The following TBC1D14 variants were observed in gnomAD, a reference collection of about 807,000 sequenced individuals.
The protein encoded by TBC1D14 is TBC1 domain family member 14.
In TBC1D14, 26 loss-of-function variants were observed where a neutral mutation model predicts 79.0. That is an observed-to-expected ratio of 0.33 (90% CI 0.24 to 0.46). The LOEUF (loss-of-function observed/expected upper bound fraction) is 0.46, where lower values mean the gene tolerates loss of function less well. TBC1D14 is among the 20% of genes least tolerant of loss of function. The pLI is 1.00. For missense variants in TBC1D14, 769 were observed against 887.6 expected, an observed-to-expected ratio of 0.87 and a Z score of 1.70; for synonymous variants, 394 against 349.9, an observed-to-expected ratio of 1.13 and a Z score of -1.40.
At chr4:6,994,473 A>G (rs1184631047) in intron 4 of TBC1D14, among the ~76,000 whole-genome samples, 171 bp downstream of exon 4, 1 of 152,242 alleles carries the variant, frequency 6.6e-6, no homozygotes, top group Non-Finnish European at 1.5e-5. Context: ...TAAATGACCA[A>G]TTTGGAAAAC....
At chr4:6,947,699 G>C (rs1290172586) in intron 2 of TBC1D14, among the ~76,000 whole-genome samples, 9 of 151,724 alleles carry the variant, frequency 5.9e-5, no homozygotes, top group South Asian at 2.1e-4. Flanking sequence ...ATGTTAGAGA[G>C]TGGATCCCTG....
At chr4:6,921,300 G>A (rs11732256) in intron 1 of TBC1D14, among the ~76,000 whole-genome samples, 138,488 of 151,976 alleles carry the variant, frequency 0.91, 64,089 homozygotes, top group East Asian at 1. Flanking sequence ...GACCTCCTGG[G>A]CGGGCTCAAG....
chr4:7,012,676 CTG>C (rs904844061), intron 11 of TBC1D14, among the ~76,000 whole-genome samples: 10 of 152,322 alleles, frequency 6.6e-5, no homozygotes, highest in Admixed American at 3.3e-4. Context: ...ACTATAGTGA[CTG>C]TTGTATTTAA....
intron 2 of TBC1D14, among the ~76,000 whole-genome samples, chr4:6,944,964 A>G (rs10937773): frequency 0.97 from 148,181 of 152,290 alleles, 72,228 homozygotes; most frequent in Middle Eastern, 1. Flanking sequence ...GACAGGGCCT[A>G]GATCTCAGTC....
rs140085093 is a variant in TBC1D14, at chr4:6,935,939, C to T, written c.722+11828C>T. On this transcript the variant is annotated intron_variant, in intron 2 of 13. Transcript: ENST00000409757. Reference sequence around the variant, plus strand: ...GATTACAGGCATGAGCCACCGTGCCCGGCCTGAATATAGATTTTTAATTTC... The same window carrying T: ...GATTACAGGCATGAGCCACCGTGCCTGGCCTGAATATAGATTTTTAATTTC... Among the ~76,000 whole-genome samples the T allele has an allele frequency of 1.7e-3, 257 of 152,208 alleles. 1 individual carries two copies. Among genetic ancestry groups the T allele is most frequent in the African/African-American group, 5.9e-3 (245 of 41,550 alleles).
intron 3 of TBC1D14, among the ~76,000 whole-genome samples, chr4:6,992,743 T>G (rs1347811627): frequency 1.3e-5 from 2 of 152,250 alleles, no homozygotes; most frequent in East Asian, 3.8e-4. Flanking sequence ...ACTTGAAGCT[T>G]CATGAGGGCT....
intron 3 of TBC1D14, among the ~76,000 whole-genome samples, chr4:6,970,748 A>T (rs936478196): frequency 1.4e-5 from 2 of 145,588 alleles, no homozygotes; most frequent in Admixed American, 6.8e-5. Flanking sequence ...CACACTGGCC[A>T]GGAGCTTTGG....
intron 3 of TBC1D14, among the ~76,000 whole-genome samples, chr4:6,991,444 G>A (rs1718478133): frequency 6.6e-6 from 1 of 152,288 alleles, no homozygotes; most frequent in Middle Eastern, 3.4e-3. Context: ...TGGTGCACAG[G>A]GAGTGCTGGA....
At chr4:7,007,446 CG>C in intron 9 of TBC1D14, 2 of 843,054 alleles carry the variant, frequency 2.4e-6, no homozygotes, top group South Asian at 1.5e-5. Context: ...TTATCTATAA[CG>C]GGTTTTTGCG....
intron 2 of TBC1D14, among the ~76,000 whole-genome samples, chr4:6,934,305 T>C (rs1289715124): frequency 2.7e-5 from 4 of 146,236 alleles, no homozygotes; most frequent in Non-Finnish European, 4.5e-5. Flanking sequence ...AGGGCACGAG[T>C]GTGGGGTCTG....
chr4:6,977,106 CCACGG>C (rs1259403104), intron 3 of TBC1D14, among the ~76,000 whole-genome samples: 3 of 53,948 alleles, frequency 5.6e-5, no homozygotes, highest in Non-Finnish European at 9.2e-5. Flanking sequence ...CTCCCTCTCC[CCACGG>C]TCTCCCTCTC....
chr4:6,946,394 G>A (rs1223976141), intron 2 of TBC1D14, among the ~76,000 whole-genome samples: 1 of 152,092 alleles, frequency 6.6e-6, no homozygotes, highest in African/African-American at 2.4e-5. Context: ...GTGCAATGGT[G>A]CAATCTTGGC....
At chr4:6,957,967 G>C (rs1014666325) in intron 2 of TBC1D14, among the ~76,000 whole-genome samples, 1 of 149,116 alleles carries the variant, frequency 6.7e-6, no homozygotes, top group African/African-American at 2.5e-5. Flanking sequence ...TTTATGGGCT[G>C]TTTTTATCAT....
intron 7 of TBC1D14, 96 bp downstream of exon 7, chr4:7,001,347 C>G (rs564725150): frequency 9.8e-7 from 1 of 1,024,238 alleles, no homozygotes. Context: ...GCCATTGCCA[C>G]GAATCTGTGT....
chr4:7,029,403 T>C (rs191279567), intron 13 of TBC1D14, among the ~76,000 whole-genome samples: 16 of 152,388 alleles, frequency 1.0e-4, no homozygotes, highest in Admixed American at 3.3e-4. Context: ...CCCCTCATGT[T>C]GGGGCATTAG....
intron 12 of TBC1D14, among the ~76,000 whole-genome samples, chr4:7,016,922 C>T (rs879483060): frequency 3.3e-5 from 5 of 152,084 alleles, no homozygotes; most frequent in Non-Finnish European, 7.4e-5. Context: ...TTTTTTGACT[C>T]GAGTGCTTCT....
At chr4:7,028,873 C>A (rs575468895) in intron 13 of TBC1D14, among the ~76,000 whole-genome samples, 1 of 151,198 alleles carries the variant, frequency 6.6e-6, no homozygotes, top group Non-Finnish European at 1.5e-5. Context: ...GTCTCACTCT[C>A]ATTGCCGAGA....
intron 7 of TBC1D14, 53 bp downstream of exon 7, chr4:7,001,304 T>G (rs1362786994): frequency 6.8e-7 from 1 of 1,465,484 alleles, no homozygotes; most frequent in Non-Finnish European, 9.5e-7. Context: ...TTTGGCTTCT[T>G]CTCTCCCTTT....
At chr4:6,930,249 G>A (rs1711602258) in intron 2 of TBC1D14, among the ~76,000 whole-genome samples, 2 of 152,210 alleles carry the variant, frequency 1.3e-5, no homozygotes, top group Non-Finnish European at 1.5e-5. Context: ...GCCATCGCGG[G>A]CCAGCAGGAT....
Sources: allele counts gnomAD v4.1 joint callset (sites outside exome capture counted in the v4.1 genomes callset), GRCh38; gene constraint gnomAD v4.1.1; transcripts MANE v1.5; gene names NCBI Gene and HGNC (gene_info 2026-07-23, HGNC 2026-07-21).